Variants in TRPS1 observed in about 807,000 individuals in gnomAD.
TRPS1 encodes the protein zinc finger transcription factor Trps1.
In TRPS1, 6 loss-of-function variants were observed where a neutral mutation model predicts 101.2. The observed-to-expected ratio is 0.06, with a 90% CI of 0.03 to 0.12. TRPS1 has a LOEUF of 0.12. TRPS1 is among the 10% of genes least tolerant of loss of function. The pLI, the probability that TRPS1 is intolerant of heterozygous loss-of-function variation, is 1.00. For synonymous variants in TRPS1, 578 were observed against 589.8 expected, an observed-to-expected ratio of 0.98 and a Z score of 0.29; for missense variants, 1,363 against 1,567.0, an observed-to-expected ratio of 0.87 and a Z score of 2.20.
chr8:115,544,414 C>T (rs1816524516), intron 5 of TRPS1, among the ~76,000 whole-genome samples: 2 of 151,770 alleles, frequency 1.3e-5, no homozygotes, highest in African/African-American at 4.8e-5. Flanking sequence ...GTGGAAGGGC[C>T]AGGAAGCCAC....
chr8:115,479,670 TAAC>T (rs1814702651), intron 5 of TRPS1, among the ~76,000 whole-genome samples: 1 of 152,160 alleles, frequency 6.6e-6, no homozygotes, highest in Admixed American at 6.5e-5. Flanking sequence ...ATTAATAACA[TAAC>T]AGTCTATATT....
intron 5 of TRPS1, among the ~76,000 whole-genome samples, chr8:115,494,091 C>T (rs1563550918): frequency 6.6e-6 from 1 of 152,184 alleles, no homozygotes; most frequent in African/African-American, 2.4e-5. Context: ...CTGTGAACTC[C>T]AGTGTCCATG....
rs1311306280 is a variant in TRPS1 at position 115,495,455 on chromosome 8, A to C, written c.2701-77003T>G. Among the ~76,000 whole-genome samples the C allele has an allele frequency of 1.3e-5, 2 of 149,734 alleles. 1 individual carries two copies. The highest frequency in any genetic ancestry group is 4.9e-5 in the African/African-American group (2 of 41,034). Reference sequence around the variant, plus strand: ...GAGAAGCCAAATTATGGCAGAAAGGAGGAAAAAAATATATATATATATATT... The same window carrying C: ...GAGAAGCCAAATTATGGCAGAAAGGCGGAAAAAAATATATATATATATATT... On this transcript the variant is annotated intron_variant, in intron 5 of 6. Coordinates refer to ENST00000395715, the MANE Select transcript of TRPS1 (RefSeq NM_014112.5).
At chr8:115,651,959 C>T (rs1310054332) in intron 1 of TRPS1, among the ~76,000 whole-genome samples, 1 of 152,152 alleles carries the variant, frequency 6.6e-6, no homozygotes, top group Non-Finnish European at 1.5e-5. Context: ...AAAGCAAGTA[C>T]TTACGGAGGC....
At chr8:115,428,010 A>T (rs1178199284) in intron 5 of TRPS1, among the ~76,000 whole-genome samples, 1 of 152,320 alleles carries the variant, frequency 6.6e-6, no homozygotes, top group East Asian at 1.9e-4. Flanking sequence ...GCTGTGAATG[A>T]AAGTCTCTCT....
At position 115,542,109 on chromosome 8, in the gene TRPS1, T is replaced by C. The variant is rs551307357; in HGVS notation, c.2700+44892A>G. The stretch of plus-strand genomic sequence containing the variant: ...AATATTCCATTTGTAATTTGTCACA[T>C]CACAGCACAATAAGACTACTGCAAT... On this transcript the variant is annotated intron_variant, in intron 5 of 6. Coordinates refer to ENST00000395715, the MANE Select transcript of TRPS1 (RefSeq NM_014112.5). 6.4e-4 allele frequency among the ~76,000 whole-genome samples: 98 copies of C among 152,336 alleles called. 1 individual carries two copies. In the South Asian group the frequency reaches 0.019, roughly 29 times the overall value.
intron 1 of TRPS1, among the ~76,000 whole-genome samples, chr8:115,651,251 C>G (rs191356619): frequency 3.9e-5 from 6 of 152,266 alleles, no homozygotes; most frequent in Admixed American, 3.9e-4. Context: ...CTTAGTTTCA[C>G]TGACACTGTC....
rs544706434 is a variant in TRPS1, at chr8:115,496,439, A to T, written c.2701-77987T>A. Among the ~76,000 whole-genome samples the T allele has an allele frequency of 2.0e-5, 3 of 152,298 alleles. No homozygotes were observed. The South Asian group carries it at 6.2e-4, about 32-fold the overall frequency. On this transcript the variant is annotated intron_variant, in intron 5 of 6. Transcript: ENST00000395715. ...ATAAGGTTTCCTTTGCAAACAGGTA[A>T]CTGTTTAACTATATCAATATAAAAA... is the stretch of plus-strand genomic sequence containing the variant.
At chr8:115,620,715 T>C (rs1301966362) in intron 2 of TRPS1, among the ~76,000 whole-genome samples, 5 of 152,232 alleles carry the variant, frequency 3.3e-5, no homozygotes, top group Admixed American at 1.3e-4. Flanking sequence ...GTTCCAGCTC[T>C]GACCTACCAA....
intron 5 of TRPS1, among the ~76,000 whole-genome samples, chr8:115,477,381 T>C (rs1306588784): frequency 6.6e-6 from 1 of 152,244 alleles, no homozygotes; most frequent in East Asian, 1.9e-4. Flanking sequence ...AGCTCTGGAC[T>C]AGCAGGGTTC....
chr8:115,467,852 T>C (rs1324290647), intron 5 of TRPS1, among the ~76,000 whole-genome samples: 1 of 152,148 alleles, frequency 6.6e-6, no homozygotes, highest in Non-Finnish European at 1.5e-5. Context: ...CCCAGGTTGA[T>C]CATAACCTGA....
At chr8:115,483,786 G>C (rs1225989308) in intron 5 of TRPS1, among the ~76,000 whole-genome samples, 1 of 152,174 alleles carries the variant, frequency 6.6e-6, no homozygotes, top group Non-Finnish European at 1.5e-5. Context: ...ATGCATATCA[G>C]ATTGCAAATT....
At chr8:115,473,866 T>C (rs538534363) in intron 5 of TRPS1, among the ~76,000 whole-genome samples, 129 of 152,290 alleles carry the variant, frequency 8.5e-4, no homozygotes, top group African/African-American at 3.0e-3. Flanking sequence ...ATGATTTATG[T>C]AAGTTTCATT....
At chr8:115,578,260 G>A (rs56037116) in intron 5 of TRPS1, among the ~76,000 whole-genome samples, 6,225 of 151,980 alleles carry the variant, frequency 0.041, 422 homozygotes, top group African/African-American at 0.14. Flanking sequence ...ATATTTCTAG[G>A]ATATTTTTCC....
At chr8:115,540,685 G>A (rs930554273) in intron 5 of TRPS1, among the ~76,000 whole-genome samples, 1 of 151,568 alleles carries the variant, frequency 6.6e-6, no homozygotes, top group African/African-American at 2.4e-5. Context: ...GGAATTATAT[G>A]TCAAAACACA....
chr8:115,645,220 T>C (rs1439632985), intron 1 of TRPS1, among the ~76,000 whole-genome samples: 1 of 152,104 alleles, frequency 6.6e-6, no homozygotes, highest in Non-Finnish European at 1.5e-5. Flanking sequence ...ATTACATATA[T>C]ATACACACGC....
At chr8:115,496,992 T>C (rs1283170833) in intron 5 of TRPS1, among the ~76,000 whole-genome samples, 2 of 152,200 alleles carry the variant, frequency 1.3e-5, no homozygotes, top group African/African-American at 4.8e-5. Context: ...TTTCAAGTAA[T>C]GTTTTCATAT....
intron 5 of TRPS1, among the ~76,000 whole-genome samples, chr8:115,541,034 T>C (rs1816439867): frequency 6.6e-6 from 1 of 152,132 alleles, no homozygotes; most frequent in Non-Finnish European, 1.5e-5. Flanking sequence ...TATACACTTA[T>C]ATAATATTTA....
chr8:115,521,455 A>C (rs1031869655), intron 5 of TRPS1, among the ~76,000 whole-genome samples: 2 of 145,716 alleles, frequency 1.4e-5, no homozygotes, highest in African/African-American at 5.1e-5. Context: ...CCCAAGGCTG[A>C]GGTTGAAGAA....
Sources: allele counts gnomAD v4.1 joint callset (sites outside exome capture counted in the v4.1 genomes callset), GRCh38; gene constraint gnomAD v4.1.1; transcripts MANE v1.5; gene names NCBI Gene and HGNC (gene_info 2026-07-23, HGNC 2026-07-21).